GAB3: variants seen among roughly 807,000 people sequenced by gnomAD.
The protein encoded by GAB3 is GRB2 associated binding protein 3.
A neutral mutation model predicts 40.4 loss-of-function variants in GAB3; 12 were observed. The ratio of observed to expected loss-of-function variants is 0.30; its 90% CI spans 0.19 to 0.48. GAB3 has a LOEUF of 0.48. Ranked by LOEUF, GAB3 falls within the 20% of genes least tolerant of loss-of-function variation. GAB3 has a pLI of 0.99. For missense variants in GAB3, 381 were observed against 461.9 expected, an observed-to-expected ratio of 0.82 and a Z score of 1.61; for synonymous variants, 154 against 176.7, an observed-to-expected ratio of 0.87 and a Z score of 1.02.
intron 1 of GAB3, among the ~76,000 whole-genome samples, chrX:154,718,379 A>G (rs2071078523): frequency 9.1e-6 from 1 of 110,227 alleles, no homozygotes; most frequent in South Asian, 3.9e-4. Context: ...GACAGTATAA[A>G]GCTTTGAAAA....
At chrX:154,681,795 T>C (rs1012192036) in intron 8 of GAB3, among the ~76,000 whole-genome samples, 1 of 112,153 alleles carries the variant, frequency 8.9e-6, no homozygotes, top group Non-Finnish European at 1.9e-5. Flanking sequence ...TGGATTTTAA[T>C]ATTGTATATG....
chrX:154,680,876 T>C (rs1357154937), intron 8 of GAB3, among the ~76,000 whole-genome samples: 1 of 112,653 alleles, frequency 8.9e-6, no homozygotes, highest in Non-Finnish European at 1.9e-5. Flanking sequence ...AGAATCACAT[T>C]GTATGCATTT....
intron 8 of GAB3, among the ~76,000 whole-genome samples, chrX:154,688,783 A>G (rs927354006): frequency 8.9e-6 from 1 of 111,806 alleles, no homozygotes; most frequent in Non-Finnish European, 1.9e-5. Flanking sequence ...CTGAGATACC[A>G]ATATACATCC....
intron 4 of GAB3, among the ~76,000 whole-genome samples, chrX:154,709,933 T>C (rs781861273): frequency 9.8e-5 from 11 of 111,788 alleles, no homozygotes; most frequent in Non-Finnish European, 1.9e-4. Context: ...TGTCAGGGAC[T>C]GGGGAATGCA....
chrX:154,703,790 G>T (rs2070769867), intron 4 of GAB3, among the ~76,000 whole-genome samples: 1 of 111,935 alleles, frequency 8.9e-6, no homozygotes, highest in Non-Finnish European at 1.9e-5. Context: ...GTACACTGTT[G>T]GCAGGAATGT....
At chrX:154,741,834 G>A (rs782439423) in intron 1 of GAB3, among the ~76,000 whole-genome samples, 1 of 111,427 alleles carries the variant, frequency 9.0e-6, no homozygotes, top group Non-Finnish European at 1.9e-5. Flanking sequence ...AGTGCAAGCA[G>A]GGGAAATGCC....
chrX:154,714,122 A>G (rs2071008061), intron 2 of GAB3, among the ~76,000 whole-genome samples: 1 of 110,901 alleles, frequency 9.0e-6, no homozygotes, highest in South Asian at 3.8e-4. Flanking sequence ...TCACCTGAGA[A>G]CATGGTCCTT....
At chrX:154,733,164 A>T (rs2071314878) in intron 1 of GAB3, among the ~76,000 whole-genome samples, 1 of 112,367 alleles carries the variant, frequency 8.9e-6, no homozygotes, top group South Asian at 3.7e-4. Context: ...GGGTTCAGAA[A>T]ATGTTTGCTG....
In GAB3 at chrX:154,709,282, C is replaced by A. The variant is rs190951215; in HGVS notation, c.1069+2947G>T. 7.5e-5 allele frequency among the ~76,000 whole-genome samples: 8 copies of A among 107,005 alleles called. No homozygotes were observed. In the East Asian group the frequency reaches 2.3e-3, roughly 31 times the overall value. The allele number at this position is 107,005 out of a possible 115,157, so 92.9% of individuals were successfully genotyped here. A position where few individuals can be genotyped will look rare whatever the true frequency, so the allele number is the denominator to read the frequency against. On this transcript the variant is annotated intron_variant, in intron 4 of 9. Transcript: ENST00000424127. ...AACTGTGAGTGAGTCAATTAAATCT[C>A]TTTGCTTTATAAATTACCCAAATTA...
intron 1 of GAB3, among the ~76,000 whole-genome samples, chrX:154,732,402 G>A (rs976691636): frequency 1.8e-5 from 2 of 111,764 alleles, no homozygotes; most frequent in African/African-American, 3.3e-5. Context: ...TGTCCCAACA[G>A]TGCCTGGTGC....
At chrX:154,683,363 AT>A (rs2070401530) in intron 8 of GAB3, among the ~76,000 whole-genome samples, 2 of 112,503 alleles carry the variant, frequency 1.8e-5, no homozygotes, top group South Asian at 7.4e-4. Flanking sequence ...TGGTTCTCAT[AT>A]CCATTATGCC....
At chrX:154,724,113 G>A (rs928737411) in intron 1 of GAB3, among the ~76,000 whole-genome samples, 1 of 111,455 alleles carries the variant, frequency 9.0e-6, no homozygotes, top group Non-Finnish European at 1.9e-5. Context: ...TTGGGAGACC[G>A]AGACGGGTGG....
chrX:154,709,565 G>A (rs369922963), intron 4 of GAB3, among the ~76,000 whole-genome samples: 153 of 108,613 alleles, frequency 1.4e-3, no homozygotes, highest in African/African-American at 4.9e-3. Context: ...TGATCTGCCC[G>A]CCCCCGCCTC....
At chrX:154,705,785 G>C (rs1390156809) in intron 4 of GAB3, among the ~76,000 whole-genome samples, 1 of 111,874 alleles carries the variant, frequency 8.9e-6, no homozygotes, top group Non-Finnish European at 1.9e-5. Flanking sequence ...AATTGGAAAA[G>C]AGGAAGACAA....
chrX:154,729,050 C>T (rs781846802), intron 1 of GAB3, among the ~76,000 whole-genome samples: 3 of 111,351 alleles, frequency 2.7e-5, no homozygotes, highest in African/African-American at 6.5e-5. Context: ...GTTGTGAGAC[C>T]GAACTAGAAT....
At chrX:154,721,227 T>C (rs2071127473) in intron 1 of GAB3, among the ~76,000 whole-genome samples, 1 of 112,591 alleles carries the variant, frequency 8.9e-6, no homozygotes, top group Non-Finnish European at 1.9e-5. Flanking sequence ...AATGAAGACA[T>C]AAAAATGTCT....
Position 154,675,399 on chromosome X carries a change from G to C in GAB3, c.*2779C>G, listed in dbSNP as rs2070281874. 8.9e-6 allele frequency: 1 copy of C among 111,963 alleles called. No individual in the cohort carries two copies. The highest frequency in any genetic ancestry group is 1.9e-5 in the Non-Finnish European group (1 of 53,213). 9.2% of individuals were successfully genotyped at this position (111,963 alleles called of 1,213,427 possible). ...GAGGAGAGCCTTCAGTTTCAACTCG[G>C]AACTTTTAAAGGTCATGATTCAGCT... On this transcript the variant is annotated 3_prime_UTR_variant, in exon 10 of 10. Coordinates refer to ENST00000424127, the MANE Select transcript of GAB3 (RefSeq NM_001081573.3).
intron 1 of GAB3, among the ~76,000 whole-genome samples, chrX:154,724,614 C>A (rs2071186207): frequency 8.9e-6 from 1 of 111,871 alleles, no homozygotes; most frequent in South Asian, 3.7e-4. Context: ...CAACAAAACC[C>A]TGCAATATCC....
chrX:154,750,796 G>A (rs2071602496), intron 1 of GAB3, among the ~76,000 whole-genome samples, 158 bp downstream of exon 1: 1 of 111,364 alleles, frequency 9.0e-6, no homozygotes, highest in Non-Finnish European at 1.9e-5. Context: ...CTGGCTCGAC[G>A]TGCGATTTCG....
Sources: allele counts gnomAD v4.1 joint callset (sites outside exome capture counted in the v4.1 genomes callset), GRCh38; gene constraint gnomAD v4.1.1; transcripts MANE v1.5; gene names NCBI Gene and HGNC (gene_info 2026-07-23, HGNC 2026-07-21).